MYO15B: variants seen among roughly 807,000 people sequenced by gnomAD.
MYO15B encodes myosin XVB.
Under a neutral mutation model 119.3 loss-of-function variants are expected in MYO15B, and 207 were observed. That is an observed-to-expected ratio of 1.73 (90% CI 1.55 to 1.95). The LOEUF (loss-of-function observed/expected upper bound fraction) is 1.95, where lower values mean the gene tolerates loss of function less well. Ranked by LOEUF, MYO15B falls within the 30% of genes most tolerant of loss-of-function variation. MYO15B has a pLI of 0.00. For missense variants in MYO15B, 2,264 were observed against 1,203.1 expected, an observed-to-expected ratio of 1.88 and a Z score of -13.04; for synonymous variants, 966 against 498.9, an observed-to-expected ratio of 1.94 and a Z score of -12.48.
chr17:75,592,441 G>T, exon 8 of MYO15B: 1 of 617,964 alleles, frequency 1.6e-6, no homozygotes, highest in Non-Finnish European at 2.9e-6. Context: ...CAGGCTGAGC[G>T]GAGCTTCCAT....
rs2056321142 is a variant in MYO15B, at chr17:75,589,790, C to CT, written c.1734dup (p.Arg579SerfsTer9). 2.5e-6 allele frequency: 1 copy of CT among 398,010 alleles called. No individual in the cohort carries two copies. 24.7% of individuals were successfully genotyped at this position (398,010 alleles called of 1,614,324 possible). On this transcript the variant is annotated frameshift_variant, in exon 1 of 64. Coordinates refer to ENST00000645453, the Ensembl canonical transcript of MYO15B. LOFTEE classifies it high-confidence loss of function. This position sits in a 1 kb window ranked among gnomAD's most constrained non-coding sequence, Gnocchi z 4.2. The stretch of plus-strand genomic sequence containing the variant: ...CCCACGGGGGAAGGCCGAGGTTGGC[C>CT]TCGTGCAGGGGTGGGGGGGCACAGT...
In MYO15B at chr17:75,589,560, G is replaced by T. The variant is rs1598679104; in HGVS notation, c.1503G>T (p.Leu501=). The change falls in exon 1 of 64, where the codon CTG becomes CTT. Residue 501 remains leucine (L), a synonymous_variant. Coordinates refer to ENST00000645453, the Ensembl canonical transcript of MYO15B. This position sits in a 1 kb window ranked among gnomAD's most constrained non-coding sequence, Gnocchi z 4.2. ...TGCGGCACCGTCTAGCGTTGCGCCT[G>T]GCTGGCTTAGCAGGGCTGGGGGGTA... The T allele has an allele frequency of 1.0e-5, 4 of 398,846 alleles. No individual in the cohort carries two copies. Among genetic ancestry groups the T allele is most frequent in the Non-Finnish European group, 1.8e-5 (4 of 226,124 alleles). The allele number at this position is 398,846 out of a possible 1,614,324, so 24.7% of individuals were successfully genotyped here.
At position 75,624,196 on chromosome 17, in the gene MYO15B, A is replaced by T. The variant is rs1568233492; in HGVS notation, c.8294A>T (p.Glu2765Val). 3 of 702,974 alleles carry T rather than the reference A, an allele frequency of 4.3e-6. No homozygotes were observed. In the Admixed American group the frequency reaches 6.0e-5, roughly 14 times the overall value. 43.5% of individuals were successfully genotyped at this position (702,974 alleles called of 1,614,324 possible). Residue 2765 changes from glutamate to valine, a missense_variant, in exon 56 of 64, where the codon GAG (glutamate) becomes GTG (valine). Coordinates refer to ENST00000645453, the Ensembl canonical transcript of MYO15B. Reference sequence around the variant, plus strand: ...GCAGAGCTGGCCCGGAGCAGCCAGGAGCACCTCCAGCGCACAGTCAAATAT... The same window carrying T: ...GCAGAGCTGGCCCGGAGCAGCCAGGTGCACCTCCAGCGCACAGTCAAATAT...
Position 75,596,563 on chromosome 17 carries a change from G to A in MYO15B, c.3393+8G>A, listed in dbSNP as rs192249639. 1.3e-3 allele frequency: 925 copies of A among 703,018 alleles called. 3 individuals are homozygous for A. Among genetic ancestry groups the A allele is most frequent in the African/African-American group, 0.013 (718 of 57,390 alleles). 43.5% of individuals were successfully genotyped at this position (703,018 alleles called of 1,614,324 possible). On this transcript the variant is annotated splice_region_variant and intron_variant, in intron 13 of 63. Transcript: ENST00000645453. ...CTGCTGGCCCAGGAGGAGGTAAGAG[G>A]ATTGGGCGTGGACGTGGCAGGGGCC...
chr17:75,603,202 T>G (rs984284937), exon 19 of MYO15B: 1 of 703,110 alleles, frequency 1.4e-6, no homozygotes, highest in Non-Finnish European at 2.6e-6. Context: ...CAGGCCTCTT[T>G]GACGTGGGAC....
chr17:75,608,119 A>AT (rs2057771969), intron 21 of MYO15B, among the ~76,000 whole-genome samples: 2 of 151,874 alleles, frequency 1.3e-5, no homozygotes, highest in Admixed American at 1.3e-4. Flanking sequence ...TTAGTTTTTA[A>AT]TTAATTAATT....
At position 75,616,794 on chromosome 17, in the gene MYO15B, C is replaced by T. The variant is rs1352885438; in HGVS notation, c.6506+9C>T. ...CCCGTGCAGCCATCCAGGTGGGCCC[C>T]CACGGGGAGGTGGCCAGGGCTGTCC... On this transcript the variant is annotated intron_variant, in intron 39 of 63. Coordinates refer to ENST00000645453, the Ensembl canonical transcript of MYO15B. 1.4e-6 allele frequency: 1 copy of T among 703,016 alleles called. No individual in the cohort carries two copies. The highest frequency in any genetic ancestry group is 2.6e-6 in the Non-Finnish European group (1 of 384,996). The allele number at this position is 703,016 out of a possible 1,614,324, so 43.5% of individuals were successfully genotyped here.
rs772524604 is a variant in MYO15B, at chr17:75,621,997, C to T, written c.8006-7C>T. 1.7e-5 allele frequency: 12 copies of T among 702,930 alleles called. 1 individual carries two copies. Among genetic ancestry groups the T allele is most frequent in the South Asian group, 1.6e-4 (11 of 67,604 alleles). The allele number at this position is 702,930 out of a possible 1,614,324, so 43.5% of individuals were successfully genotyped here. ...GCTATGTGCCCTGTTTCTTATCGTGCCTGCAGCCCTGATGCGGTTTATGGG... is the reference window on the plus strand; with the variant it reads ...GCTATGTGCCCTGTTTCTTATCGTGTCTGCAGCCCTGATGCGGTTTATGGG... On this transcript the variant is annotated splice_polypyrimidine_tract_variant and splice_region_variant and intron_variant, in intron 52 of 63. Transcript: ENST00000645453.
intron 9 of MYO15B, among the ~76,000 whole-genome samples, chr17:75,594,243 C>T (rs531037884): frequency 5.3e-5 from 8 of 152,266 alleles, no homozygotes; most frequent in African/African-American, 1.4e-4. Flanking sequence ...GGCCGTGGGG[C>T]GCAGGAAGGA....
At chr17:75,596,170 A>G (rs1441048522) in intron 12 of MYO15B, among the ~76,000 whole-genome samples, 2 of 152,190 alleles carry the variant, frequency 1.3e-5, no homozygotes, top group African/African-American at 4.8e-5. Context: ...CCTGCTATTT[A>G]GTAGGGAAAG....
intron 42 of MYO15B, 42 bp from the exon 43 acceptor site, chr17:75,618,084 C>T (rs902787997): frequency 2.8e-6 from 2 of 702,408 alleles, no homozygotes; most frequent in African/African-American, 1.7e-5. Flanking sequence ...TGGGAAGAGG[C>T]ACCAGACCCA....
At chr17:75,604,072 G>C (rs1018727549) in intron 19 of MYO15B, among the ~76,000 whole-genome samples, 16 of 152,180 alleles carry the variant, frequency 1.1e-4, no homozygotes, top group Admixed American at 2.6e-4. Flanking sequence ...GGATGGCCTG[G>C]TTGGGGGACT....
At chr17:75,597,794 T>C (rs180873854) in intron 14 of MYO15B, among the ~76,000 whole-genome samples, 3 of 152,262 alleles carry the variant, frequency 2.0e-5, no homozygotes, top group Admixed American at 6.5e-5. Flanking sequence ...TGTGAGCCTA[T>C]AGTTAGAGCT....
In MYO15B at chr17:75,605,408, G is replaced by A. The variant is rs752399718; in HGVS notation, c.4017-96G>A. On this transcript the variant is annotated intron_variant, in intron 19 of 63. Transcript: ENST00000645453. ...GCCGAGATCGCGCCACTGTACTCCC[G>A]CCTGGGCAAAAGAGCGAGACTCCGT... The A allele has an allele frequency of 3.3e-5, 21 of 633,308 alleles. 1 individual carries two copies. The highest frequency in any genetic ancestry group is 3.2e-4 in the South Asian group (18 of 55,536). The allele number at this position is 633,308 out of a possible 1,614,324, so 39.2% of individuals were successfully genotyped here.
intron 29 of MYO15B, 199 bp from the exon 30 acceptor site, chr17:75,614,000 T>C (rs894581066): frequency 3.3e-6 from 2 of 599,304 alleles, no homozygotes; most frequent in Admixed American, 5.8e-5. Flanking sequence ...GAAATGCCCA[T>C]GCTGGAGCCC....
Position 75,589,051 on chromosome 17 carries a change from GC to G in MYO15B, c.998del (p.Pro333ArgfsTer36), listed in dbSNP as rs1463866514. 1.3e-5 allele frequency: 5 copies of G among 396,444 alleles called. No individual in the cohort carries two copies. Among genetic ancestry groups the G allele is most frequent in the Non-Finnish European group, 2.2e-5 (5 of 224,600 alleles). The allele number at this position is 396,444 out of a possible 1,614,324, so 24.6% of individuals were successfully genotyped here. ...AGCAGGAGCGGGGCCGGAGGACCCA[GC>G]CCCGCTGGCGGCCCTCCTGGTGGTC... On this transcript the variant is annotated frameshift_variant, in exon 1 of 64. Coordinates refer to ENST00000645453, the Ensembl canonical transcript of MYO15B. LOFTEE classifies it high-confidence loss of function. The surrounding 1 kb of genome is among the most constrained non-coding windows in gnomAD (Gnocchi z 4.2).
intron 21 of MYO15B, 106 bp downstream of exon 21, chr17:75,606,127 C>A: frequency 1.7e-6 from 1 of 594,110 alleles, no homozygotes; most frequent in South Asian, 1.9e-5. Context: ...CAAGGCAAGT[C>A]ATCCTGCCCC....
rs1046809012 is a variant in MYO15B, at chr17:75,589,427, A to G, written c.1370A>G (p.Tyr457Cys). The change falls in exon 1 of 64, where the codon TAC becomes TGC. Residue 457 changes from tyrosine to cysteine, a missense_variant. By Grantham distance (194) the Tyr-to-Cys change is radical (BLOSUM62 -2). Transcript: ENST00000645453. This position sits in a 1 kb window ranked among gnomAD's most constrained non-coding sequence, Gnocchi z 4.2. Reference sequence around the variant, plus strand: ...GAAGGGCGGGGCCACGAGCGAGGGTACGAGGGGCGGGGCTGCGGGAAAGCG... The same window carrying G: ...GAAGGGCGGGGCCACGAGCGAGGGTGCGAGGGGCGGGGCTGCGGGAAAGCG... The G allele has an allele frequency of 2.3e-5, 7 of 302,734 alleles. No homozygotes were observed. The highest frequency in any genetic ancestry group is 1.5e-4 in the African/African-American group (6 of 41,360). 18.8% of individuals were successfully genotyped at this position (302,734 alleles called of 1,614,324 possible).
chr17:75,621,363 A>C (rs1044900609), exon 51 of MYO15B: 2 of 701,220 alleles, frequency 2.9e-6, no homozygotes, highest in Non-Finnish European at 2.6e-6. Context: ...AGACTGATGG[A>C]GGTGCCGCAG....
Sources: gnomAD v4.1 joint callset for allele counts (sites outside exome capture counted in the v4.1 genomes callset) on GRCh38, gnomAD v4.1.1 for gene constraint, Gnocchi (gnomAD v3.1) non-coding constraint, MANE v1.5 for transcripts, NCBI Gene and HGNC (gene_info 2026-07-23, HGNC 2026-07-21) for gene names.